BCAP31: variants seen among roughly 807,000 people sequenced by gnomAD.
The protein encoded by BCAP31 is B cell receptor associated protein 31, also known as B-cell receptor-associated protein 31.
For missense variants in BCAP31, 124 were observed against 193.0 expected (o/e 0.64, Z 2.12); for synonymous variants, 75 against 80.9 (o/e 0.93, Z 0.39).
intron 3 of BCAP31, among the ~76,000 whole-genome samples, chrX:153,720,367 C>CTT (rs374189368): frequency 2.0e-5 from 2 of 100,912 alleles, no homozygotes; most frequent in Non-Finnish European, 4.1e-5. Flanking sequence ...AGAGGGGCCT[C>CTT]TTTTTTTTTT....
chrX:153,723,120 G>T (rs2091679312), intron 2 of BCAP31, 33 bp downstream of exon 2: 1 of 1,200,204 alleles, frequency 8.3e-7, no homozygotes, highest in Non-Finnish European at 1.1e-6. Context: ...GCACCCTCCT[G>T]CCTAACTCGC....
Position 153,720,894 on chromosome X carries a change from G to A in BCAP31, c.171C>T (p.Val57=), listed in dbSNP as rs782346841. Residue 57 remains valine, a synonymous_variant, in exon 3 of 8, where the codon GTC becomes GTT. Coordinates refer to ENST00000345046, the MANE Select transcript of BCAP31 (RefSeq NM_001256447.2). ...YGNTFFVVLI[V]ILVLLVIDAV... is the part of the protein sequence containing the mutation. ...CACCGATGACCAACAGCACAAGGAT[G>A]ACAATGAGAACCACAAAGAAGGTGT... is the stretch of plus-strand genomic sequence containing the variant. 3 of 1,211,687 alleles carry A rather than the reference G, an allele frequency of 2.5e-6. No individual in the cohort carries two copies. The Admixed American group carries it at 6.5e-5, about 26-fold the overall frequency.
intron 3 of BCAP31, among the ~76,000 whole-genome samples, chrX:153,717,985 G>T: frequency 8.9e-6 from 1 of 111,988 alleles, no homozygotes; most frequent in Middle Eastern, 4.6e-3. Flanking sequence ...CCACATGAGA[G>T]AATACTACAT....
chrX:153,723,647 G>T, intron 1 of BCAP31: 1 of 1,163,609 alleles, frequency 8.6e-7, no homozygotes. Context: ...ACCAAGAGGA[G>T]GACGCCTCGG....
chrX:153,709,916 G>A lies in BCAP31; in HGVS notation c.341+5626C>T, dbSNP rs782772155. ...GCCAAGTGCCACACCTCAGAGCTGC[G>A]TGTGCAGGCTGCCCTGGGACCCGAG... On this transcript the variant is annotated intron_variant, in intron 4 of 7. Coordinates refer to ENST00000345046, the MANE Select transcript of BCAP31 (RefSeq NM_001256447.2). Among the ~76,000 whole-genome samples, 393 of 112,781 alleles carry A rather than the reference G, an allele frequency of 3.5e-3. 2 individuals carry two copies. Among genetic ancestry groups the A allele is most frequent in the African/African-American group, 0.012 (366 of 31,117 alleles).
rs184707396 is a variant in BCAP31, at chrX:153,724,015, C to A, written c.-45+319G>T. ...TATCCTCAGAAGCCAGGGGTCCTTACAGTAGCCCTCGCGGGCCCCAGCGCC... is the reference window on the plus strand; with the variant it reads ...TATCCTCAGAAGCCAGGGGTCCTTAAAGTAGCCCTCGCGGGCCCCAGCGCC... On this transcript the variant is annotated intron_variant, in intron 1 of 7. Coordinates refer to ENST00000345046, the MANE Select transcript of BCAP31 (RefSeq NM_001256447.2). 36,416 of 359,261 alleles carry A rather than the reference C, an allele frequency of 0.1. 1,383 individuals carry two copies. Among genetic ancestry groups the A allele is most frequent in the South Asian group, 0.15 (5,884 of 38,446 alleles). The allele number at this position is 359,261 out of a possible 1,213,427, so 29.6% of individuals were successfully genotyped here. A position where few individuals can be genotyped will look rare whatever the true frequency, so the allele number is the denominator to read the frequency against.
chrX:153,713,227 C>T (rs781994463), intron 4 of BCAP31, among the ~76,000 whole-genome samples: 10 of 110,903 alleles, frequency 9.0e-5, no homozygotes, highest in Non-Finnish European at 1.5e-4. Context: ...AGTGAGCCCC[C>T]TAAGGCTTCT....
chrX:153,712,679 G>C, intron 4 of BCAP31, among the ~76,000 whole-genome samples: 1 of 112,315 alleles, frequency 8.9e-6, no homozygotes, highest in Non-Finnish European at 1.9e-5. Flanking sequence ...GGTCTTGCGT[G>C]ACTTCTTAGA....
chrX:153,711,970 GAA>G (rs1258193104), intron 4 of BCAP31, among the ~76,000 whole-genome samples: 1 of 109,153 alleles, frequency 9.2e-6, no homozygotes, highest in Non-Finnish European at 1.9e-5. Context: ...CAACAAAAAA[GAA>G]AGAGACAGAT....
At chrX:153,701,238 T>C (rs2091516158) in intron 7 of BCAP31, among the ~76,000 whole-genome samples, 1 of 112,392 alleles carries the variant, frequency 8.9e-6, no homozygotes, top group Non-Finnish European at 1.9e-5. Context: ...GGCTGAGTCC[T>C]GGCTGCAGGG....
intron 4 of BCAP31, among the ~76,000 whole-genome samples, chrX:153,712,761 T>C (rs1461904680): frequency 8.9e-6 from 1 of 112,325 alleles, no homozygotes; most frequent in African/African-American, 3.2e-5. Flanking sequence ...TAATCATTTC[T>C]GGAATTTTGC....
rs2091528981 is a variant in BCAP31, at chrX:153,702,988, C to A, written c.548G>T (p.Ser183Ile). The change falls in exon 6 of 8, where the codon AGC (serine) becomes ATC (isoleucine). Residue 183 changes from serine (S) to isoleucine (I), a missense_variant. Coordinates refer to ENST00000345046, the MANE Select transcript of BCAP31 (RefSeq NM_001256447.2). ...AEVKLEEENR[S>I]LKADLQKLKD... ...TAGCTTCTGCAGGTCAGCCTTCAGG[C>A]TCCTGTTCTCTTCCTCCAACTTCAC... is the stretch of plus-strand genomic sequence containing the variant. 8.3e-7 allele frequency: 1 copy of A among 1,210,486 alleles called. No individual in the cohort carries two copies. The highest frequency in any genetic ancestry group is 1.1e-6 in the Non-Finnish European group (1 of 895,375).
At chrX:153,723,085 C>T (rs2091678822) in intron 2 of BCAP31, 68 bp downstream of exon 2, 1 of 1,161,643 alleles carries the variant, frequency 8.6e-7, no homozygotes, top group East Asian at 3.0e-5. Flanking sequence ...CAGCTGCACA[C>T]ACCAGTCCCA....
At chrX:153,720,729 T>G in intron 3 of BCAP31, 143 bp downstream of exon 3, 1 of 510,757 alleles carries the variant, frequency 2.0e-6, no homozygotes, top group Non-Finnish European at 3.2e-6. Context: ...GCCTCTTCCC[T>G]CCCTCAAGAG....
chrX:153,711,766 G>A (rs1185776705), intron 4 of BCAP31, among the ~76,000 whole-genome samples: 2 of 110,475 alleles, frequency 1.8e-5, no homozygotes, highest in Admixed American at 9.6e-5. Context: ...TTAGCCAGGC[G>A]TGGTGGCATG....
At chrX:153,718,317 CAAAAAAAAAAAAA>C (rs60097594) in intron 3 of BCAP31, among the ~76,000 whole-genome samples, 1 of 30,505 alleles carries the variant, frequency 3.3e-5, no homozygotes, top group East Asian at 1.4e-3. Flanking sequence ...GATTCCATCT[CAAAAAAAAAAAAA>C]AAAAAAAAAG....
intron 2 of BCAP31, among the ~76,000 whole-genome samples, chrX:153,722,289 T>C (rs2091672483): frequency 8.9e-6 from 1 of 112,361 alleles, no homozygotes; most frequent in South Asian, 3.7e-4. Context: ...GGTACCGATT[T>C]GGCATTCGGT....
intron 1 of BCAP31, 132 bp from the exon 2 acceptor site, chrX:153,723,420 C>T: frequency 8.9e-7 from 1 of 1,129,484 alleles, no homozygotes; most frequent in East Asian, 3.3e-5. Context: ...GTCTCTGATG[C>T]GCTGGCGGAA....
At chrX:153,701,300 C>T (rs2091516666) in intron 7 of BCAP31, among the ~76,000 whole-genome samples, 1 of 112,551 alleles carries the variant, frequency 8.9e-6, no homozygotes, top group Admixed American at 9.3e-5. Flanking sequence ...CTTCCCAACT[C>T]TGCACACCTT....
Sources: allele counts gnomAD v4.1 joint callset (sites outside exome capture counted in the v4.1 genomes callset), GRCh38; gene constraint gnomAD v4.1.1; transcripts MANE v1.5; gene names NCBI Gene and HGNC (gene_info 2026-07-23, HGNC 2026-07-21).